Variants in NOX4 observed in about 807,000 individuals in gnomAD.
NOX4 encodes the protein kidney oxidase-1.
NOX4 carries 69 observed loss-of-function variants against 87.6 expected under a neutral mutation model. That is an observed-to-expected ratio of 0.79 (90% CI 0.65 to 0.96). The LOEUF (loss-of-function observed/expected upper bound fraction) is 0.96, where lower values mean the gene tolerates loss of function less well. Ranked by LOEUF, NOX4 falls within the 40% of genes least tolerant of loss-of-function variation. The probability of loss-of-function intolerance (pLI) is 0.00; values close to 1 mark genes in which losing one functional copy is unlikely to be tolerated. For missense variants in NOX4, 680 were observed against 681.5 expected (o/e 1.00, Z 0.02); for synonymous variants, 275 against 238.2 (o/e 1.15, Z -1.42).
At chr11:89,401,992 G>GT (rs912421795) in intron 9 of NOX4, among the ~76,000 whole-genome samples, 9 of 151,758 alleles carry the variant, frequency 5.9e-5, no homozygotes, top group African/African-American at 1.7e-4. Context: ...TTGGTGGTAG[G>GT]TTTTTTTAAC....
At position 89,372,106 on chromosome 11, in the gene NOX4, T is replaced by C. The variant is rs115315648; in HGVS notation, c.1135+1326A>G. ...TATCCTTCCCTGGTTTTTAGAGATA[T>C]TAGGTTCTTCCTTCTAATGCTACCT... On this transcript the variant is annotated intron_variant, in intron 12 of 17. Coordinates refer to ENST00000263317, the MANE Select transcript of NOX4 (RefSeq NM_016931.5). Among the ~76,000 whole-genome samples the C allele has an allele frequency of 6.6e-3, 1,007 of 151,956 alleles. 9 individuals carry two copies. Among genetic ancestry groups the C allele is most frequent in the African/African-American group, 0.023 (972 of 41,544 alleles).
intron 13 of NOX4, among the ~76,000 whole-genome samples, chr11:89,342,546 T>G (rs1946050606): frequency 6.6e-6 from 1 of 152,042 alleles, no homozygotes; most frequent in African/African-American, 2.4e-5. Flanking sequence ...ATGACTAAAT[T>G]AAAGTAACAA....
chr11:89,458,671 A>G (rs1442423601), intron 2 of NOX4, among the ~76,000 whole-genome samples: 5 of 152,228 alleles, frequency 3.3e-5, no homozygotes, highest in African/African-American at 1.2e-4. Context: ...TCCAAAGAAG[A>G]CATACAGCTG....
At chr11:89,492,347 G>A (rs1371649923), upstream of NOX4, 3 of 152,190 alleles carry the variant, frequency 2.0e-5, no homozygotes, top group African/African-American at 4.8e-5. Flanking sequence ...AACAACTAAT[G>A]AGAGACAGAA....
chr11:89,338,697 C>T (rs1029863432), intron 15 of NOX4, among the ~76,000 whole-genome samples: 1 of 152,114 alleles, frequency 6.6e-6, no homozygotes, highest in Admixed American at 6.6e-5. Flanking sequence ...AAGCATACTG[C>T]TGCCTCAGAG....
intron 2 of NOX4, among the ~76,000 whole-genome samples, chr11:89,456,130 C>G (rs370914965): frequency 1.3e-3 from 191 of 152,120 alleles, no homozygotes; most frequent in South Asian, 9.6e-3. Flanking sequence ...GATATCCCAG[C>G]TACTCTTATG....
chr11:89,504,253 A>C, the NOX4 span, among the ~76,000 whole-genome samples: 1 of 151,954 alleles, frequency 6.6e-6, no homozygotes, highest in South Asian at 2.1e-4. Flanking sequence ...GCTGGAACAC[A>C]CAGGGTGACA....
chr11:89,395,685 G>T (rs572383863), intron 11 of NOX4, among the ~76,000 whole-genome samples: 1 of 152,130 alleles, frequency 6.6e-6, no homozygotes, highest in Non-Finnish European at 1.5e-5. Context: ...TTTGTATAAG[G>T]TGTAAGGAAG....
At chr11:89,346,485 C>A (rs941860782) in intron 13 of NOX4, among the ~76,000 whole-genome samples, 1 of 150,234 alleles carries the variant, frequency 6.7e-6, no homozygotes, top group Admixed American at 6.6e-5. Flanking sequence ...AAAAAAAAAC[C>A]CCAAATAAAC....
the NOX4 span, among the ~76,000 whole-genome samples, chr11:89,588,176 A>G: frequency 6.6e-6 from 1 of 152,214 alleles, no homozygotes; most frequent in South Asian, 2.1e-4. Context: ...CAAAGAAATG[A>G]GTTTAAACTT....
intron 7 of NOX4, among the ~76,000 whole-genome samples, chr11:89,428,242 C>A (rs998071085): frequency 2.1e-4 from 32 of 152,112 alleles, no homozygotes; most frequent in Non-Finnish European, 1.6e-4. Context: ...AAAGGAACAA[C>A]CGGTACCAGC....
At chr11:89,472,593 G>T (rs184695960) in intron 2 of NOX4, among the ~76,000 whole-genome samples, 1 of 152,040 alleles carries the variant, frequency 6.6e-6, no homozygotes, top group Non-Finnish European at 1.5e-5. Flanking sequence ...TGGGAATGTG[G>T]TTTTTCCCTA....
chr11:89,579,879 G>C, the NOX4 span, among the ~76,000 whole-genome samples: 1 of 151,526 alleles, frequency 6.6e-6, no homozygotes, highest in South Asian at 2.1e-4. Flanking sequence ...AATTGCCTTT[G>C]TCTGGAGAAT....
At chr11:89,389,207 C>T (rs543165878) in intron 11 of NOX4, among the ~76,000 whole-genome samples, 1 of 152,290 alleles carries the variant, frequency 6.6e-6, no homozygotes, top group African/African-American at 2.4e-5. Context: ...CCCATCAAAT[C>T]AGGATATCCT....
intron 11 of NOX4, among the ~76,000 whole-genome samples, chr11:89,392,685 G>C (rs540532150): frequency 1.3e-5 from 2 of 152,016 alleles, no homozygotes; most frequent in East Asian, 3.9e-4. Flanking sequence ...TATCCAAACT[G>C]TTATTTGGGC....
At chr11:89,328,322 T>A (rs1360620060) in intron 17 of NOX4, among the ~76,000 whole-genome samples, 1 of 152,148 alleles carries the variant, frequency 6.6e-6, no homozygotes, top group Non-Finnish European at 1.5e-5. Flanking sequence ...TAATTTGTAT[T>A]CACACACACC....
chr11:89,467,350 A>C (rs1022699665), intron 2 of NOX4, among the ~76,000 whole-genome samples: 6 of 36,710 alleles, frequency 1.6e-4, no homozygotes, highest in African/African-American at 2.8e-4. Context: ...AACTCGTCAC[A>C]AAAAAAAAAA....
the NOX4 span, among the ~76,000 whole-genome samples, chr11:89,511,589 T>C: frequency 1.3e-5 from 2 of 152,008 alleles, no homozygotes; most frequent in Non-Finnish European, 2.9e-5. Context: ...ATGACAAAAA[T>C]AGAATCCTGA....
intron 6 of NOX4, among the ~76,000 whole-genome samples, chr11:89,437,105 G>A (rs750791494): frequency 1.9e-4 from 29 of 152,202 alleles, no homozygotes; most frequent in Middle Eastern, 3.4e-3. Flanking sequence ...GCTCACGCCT[G>A]TAATCTGAGC....
Sources: allele counts gnomAD v4.1 joint callset (sites outside exome capture counted in the v4.1 genomes callset), GRCh38; gene constraint gnomAD v4.1.1; transcripts MANE v1.5; gene names NCBI Gene and HGNC (gene_info 2026-07-23, HGNC 2026-07-21).